Variants in RAG1 observed in about 807,000 individuals in gnomAD.
RAG1 encodes recombination activating 1, also known as V(D)J recombination-activating protein 1.
In RAG1, 35 loss-of-function variants were observed where a neutral mutation model predicts 62.7. The ratio of observed to expected loss-of-function variants is 0.56; its 90% CI spans 0.43 to 0.74. The LOEUF (loss-of-function observed/expected upper bound fraction) is 0.74. RAG1 is among the 30% of genes least tolerant of loss of function. RAG1 has a pLI of 0.00. For missense variants in RAG1, 1,169 were observed against 1,278.6 expected (o/e 0.91, Z 1.31); for synonymous variants, 461 against 470.3 (o/e 0.98, Z 0.26).
chr11:36,573,995 C>T lies in RAG1; in HGVS notation c.691C>T (p.Gln231Ter), dbSNP rs1257740588. The T allele has an allele frequency of 1.2e-6, 2 of 1,614,058 alleles. No individual in the cohort carries two copies. Among genetic ancestry groups the T allele is most frequent in the Non-Finnish European group, 1.7e-6 (2 of 1,180,056 alleles). The part of the protein sequence containing the change: ...LKRKSLQPNL[Q>*]LSKKLKTVLD... ...GAGGAAGAGTCTTCAGCCAAACTTGCAGCTCAGCAAAAAACTCAAAACTGT... is the reference window on the plus strand; with the variant it reads ...GAGGAAGAGTCTTCAGCCAAACTTGTAGCTCAGCAAAAAACTCAAAACTGT... Residue 231 changes from glutamine (Q) to a stop codon, truncating the protein, a stop_gained, in exon 2 of 2, where the codon CAG becomes TAG. Transcript: ENST00000299440. LOFTEE classifies it high-confidence loss of function.
intron 1 of RAG1, among the ~76,000 whole-genome samples, chr11:36,518,262 C>A (rs1461838165): frequency 3.9e-5 from 6 of 151,926 alleles, no homozygotes. Context: ...TGGGTTGGTT[C>A]CAAGTCTTTG....
chr11:36,522,514 G>T (rs933091592), intron 2 of RAG1, among the ~76,000 whole-genome samples: 1 of 152,234 alleles, frequency 6.6e-6, no homozygotes. Context: ...TTGCTGCAGG[G>T]GTGGGGCCCT....
At chr11:36,522,684 C>T (rs1397283674) in intron 2 of RAG1, among the ~76,000 whole-genome samples, 1 of 152,156 alleles carries the variant, frequency 6.6e-6, no homozygotes, top group Non-Finnish European at 1.5e-5. Flanking sequence ...CACTGTTTGC[C>T]TGGAAAAGCT....
At chr11:36,519,119 G>A (rs1163913016) in intron 1 of RAG1, among the ~76,000 whole-genome samples, 1 of 152,026 alleles carries the variant, frequency 6.6e-6, no homozygotes, top group African/African-American at 2.4e-5. Context: ...GATAATGGTG[G>A]TAATTTTTTC....
intron 1 of RAG1, among the ~76,000 whole-genome samples, chr11:36,516,153 G>A (rs1186927002): frequency 6.6e-6 from 1 of 152,180 alleles, no homozygotes; most frequent in African/African-American, 2.4e-5. Flanking sequence ...TGCTTTCCTT[G>A]AGGGAAAAAA....
chr11:36,563,041 T>G (rs1850612711), upstream of RAG1, among the ~76,000 whole-genome samples: 1 of 152,194 alleles, frequency 6.6e-6, no homozygotes, highest in Non-Finnish European at 1.5e-5. Context: ...TGTCCAAATC[T>G]CCTTTTCTTA....
Position 36,574,490 on chromosome 11 carries a change from CG to C in RAG1, c.1187del (p.Arg396ProfsTer7). Reference protein sequence around the residue: ...FVHINKGGRPRQHLLSLTRRA... With the variant: ...FVHINKGGRPXQHLLSLTRRA... ...GCACATTAATAAAGGGGGCCGGCCC[CG>C]CCAACATCTTCTGTCGCTGACTCGG... On this transcript the variant is annotated frameshift_variant, in exon 2 of 2. Coordinates refer to ENST00000299440, the MANE Select transcript of RAG1 (RefSeq NM_000448.3). LOFTEE classifies it high-confidence loss of function. 6.2e-7 allele frequency: 1 copy of C among 1,614,244 alleles called. No individual in the cohort carries two copies. The highest frequency in any genetic ancestry group is 8.5e-7 in the Non-Finnish European group (1 of 1,180,052).
intron 1 of RAG1, among the ~76,000 whole-genome samples, chr11:36,571,221 A>G (rs754474751): frequency 2.6e-5 from 4 of 152,216 alleles, no homozygotes; most frequent in Non-Finnish European, 5.9e-5. Context: ...TCAATATTAA[A>G]CTTGATGAGC....
chr11:36,520,936 C>G (rs1860069658), intron 2 of RAG1, among the ~76,000 whole-genome samples: 1 of 151,114 alleles, frequency 6.6e-6, no homozygotes, highest in Non-Finnish European at 1.5e-5. Flanking sequence ...TATGGTTTGG[C>G]CTGTGTCCCC....
At chr11:36,564,324 G>A (rs574660313), upstream of RAG1, among the ~76,000 whole-genome samples, 3 of 152,238 alleles carry the variant, frequency 2.0e-5, no homozygotes, top group South Asian at 6.2e-4. Context: ...GACCTTTTAA[G>A]CTTTTGGCTC....
At chr11:36,536,626 A>G (rs1448514952), downstream of RAG1, among the ~76,000 whole-genome samples, 1 of 9,200 alleles carries the variant, frequency 1.1e-4, no homozygotes, top group Non-Finnish European at 2.7e-3. Context: ...AAGTTTTTTA[A>G]AAGACAAATA....
intron 2 of RAG1, among the ~76,000 whole-genome samples, chr11:36,522,293 T>C (rs1860092156): frequency 6.6e-6 from 1 of 152,220 alleles, no homozygotes; most frequent in Non-Finnish European, 1.5e-5. Context: ...TCTTGGGACT[T>C]GGTGCCCTGT....
intron 3 of RAG1, among the ~76,000 whole-genome samples, chr11:36,558,784 G>T (rs1028914042): frequency 6.6e-6 from 1 of 152,112 alleles, no homozygotes; most frequent in African/African-American, 2.4e-5. Flanking sequence ...TTATTGATAG[G>T]TGAGGACTTA....
intron 3 of RAG1, among the ~76,000 whole-genome samples, chr11:36,559,432 C>A (rs1316928558): frequency 6.6e-6 from 1 of 152,138 alleles, no homozygotes; most frequent in Non-Finnish European, 1.5e-5. Context: ...TGAAAAGTTT[C>A]CAGCTAATAT....
At chr11:36,535,702 G>C (rs1407008378) in intron 2 of RAG1, among the ~76,000 whole-genome samples, 1 of 151,920 alleles carries the variant, frequency 6.6e-6, no homozygotes, top group Non-Finnish European at 1.5e-5. Flanking sequence ...CCAAGATAGA[G>C]CCACTGTACT....
At chr11:36,520,388 C>T (rs1400733689) in intron 2 of RAG1, among the ~76,000 whole-genome samples, 1 of 152,152 alleles carries the variant, frequency 6.6e-6, no homozygotes, top group Non-Finnish European at 1.5e-5. Flanking sequence ...CCCGTCTCAG[C>T]CTCCCGAGTA....
chr11:36,510,814 T>C (rs1315785164), exon 1 of RAG1: 8 of 152,370 alleles, frequency 5.3e-5, no homozygotes, highest in Admixed American at 2.0e-4. Context: ...TTCTCTGTCA[T>C]GGGAAAACTA....
chr11:36,542,110 G>T (rs766836410), intron 3 of RAG1, among the ~76,000 whole-genome samples: 4 of 152,120 alleles, frequency 2.6e-5, no homozygotes, highest in Non-Finnish European at 5.9e-5. Flanking sequence ...TGAGTTCATT[G>T]TTAGGGTTTG....
chr11:36,548,186 C>T (rs1850427769), intron 3 of RAG1, among the ~76,000 whole-genome samples: 1 of 152,124 alleles, frequency 6.6e-6, no homozygotes, highest in African/African-American at 2.4e-5. Context: ...TGGACAAAAG[C>T]TAGAAGCATT....
Sources: allele counts gnomAD v4.1 joint callset (sites outside exome capture counted in the v4.1 genomes callset), GRCh38; gene constraint gnomAD v4.1.1; transcripts MANE v1.5; gene names NCBI Gene and HGNC (gene_info 2026-07-23, HGNC 2026-07-21).